The following MRTFA variants were observed in gnomAD, a reference collection of about 807,000 sequenced individuals.
MRTFA encodes myocardin-related transcription factor A.
A neutral mutation model predicts 83.5 loss-of-function variants in MRTFA; 20 were observed. The ratio of observed to expected loss-of-function variants is 0.24; its 90% CI spans 0.17 to 0.35. The LOEUF (loss-of-function observed/expected upper bound fraction) is 0.35. Among genes scored for constraint, MRTFA ranks in the 10% least tolerant of loss-of-function variants. The pLI is 1.00. For synonymous variants in MRTFA, 659 were observed against 541.2 expected, an observed-to-expected ratio of 1.22 and a Z score of -3.02; for missense variants, 1,200 against 1,224.7, an observed-to-expected ratio of 0.98 and a Z score of 0.30.
intron 5 of MRTFA, among the ~76,000 whole-genome samples, chr22:40,435,226 C>T (rs535079064): frequency 3.9e-5 from 6 of 152,306 alleles, no homozygotes; most frequent in South Asian, 2.1e-4. Context: ...CAAGGAGGAT[C>T]GGGTGATCAT....
At position 40,418,533 on chromosome 22, in the gene MRTFA, G is replaced by A; in HGVS notation, c.2205C>T (p.Val735=). The change falls in exon 12 of 15, where the codon GTC becomes GTT. Residue 735 remains valine, a synonymous_variant. Transcript: ENST00000355630. Reference sequence around the variant, plus strand: ...GCCCCAGAAGCAACTGGGGGGCGGGGACCGGCTCGGGCTCAGGCTGCAAGG... The same window carrying A: ...GCCCCAGAAGCAACTGGGGGGCGGGAACCGGCTCGGGCTCAGGCTGCAAGG... 1 of 1,587,134 alleles carries A rather than the reference G, an allele frequency of 6.3e-7. No individual in the cohort carries two copies. The highest frequency in any genetic ancestry group is 8.5e-7 in the Non-Finnish European group (1 of 1,170,524).
chr22:40,507,526 G>A (rs1036756987), intron 3 of MRTFA, among the ~76,000 whole-genome samples: 3 of 151,802 alleles, frequency 2.0e-5, no homozygotes, highest in Non-Finnish European at 4.4e-5. Flanking sequence ...AGAGGCTGAG[G>A]TGGGGGGATC....
Position 40,545,431 on chromosome 22 carries a change from T to TC in MRTFA, c.241+6674dup, listed in dbSNP as rs1306594769. 8.4e-4 allele frequency among the ~76,000 whole-genome samples: 127 copies of TC among 151,206 alleles called. 1 individual carries two copies. In the Middle Eastern group the frequency reaches 0.021, roughly 24 times the overall value. On this transcript the variant is annotated intron_variant, in intron 3 of 14. Coordinates refer to ENST00000355630, the MANE Select transcript of MRTFA (RefSeq NM_020831.6). ...AGGTACCTCTGCTAACCCACTGAAT[T>TC]CCTTTTTTTTTTTTTTGAGATGAAG... is the stretch of plus-strand genomic sequence containing the variant.
rs773510860 is a variant in MRTFA at position 40,417,510 on chromosome 22, G to A, written c.2365-17C>T. 9.2e-6 allele frequency: 13 copies of A among 1,409,478 alleles called. No homozygotes were observed. The highest frequency in any genetic ancestry group is 1.2e-5 in the Non-Finnish European group (13 of 1,057,778). 87.3% of individuals were successfully genotyped at this position (1,409,478 alleles called of 1,614,324 possible). ...GGACGAGGGCTGGACAGGAGAGCAG[G>A]GAGAGGACCAGTGGCCAGGGGGCTG... On this transcript the variant is annotated splice_polypyrimidine_tract_variant and intron_variant, in intron 12 of 14. Transcript: ENST00000355630.
At chr22:40,543,108 A>G (rs985372676) in intron 3 of MRTFA, among the ~76,000 whole-genome samples, 1 of 152,200 alleles carries the variant, frequency 6.6e-6, no homozygotes, top group Non-Finnish European at 1.5e-5. Flanking sequence ...AGAATCATTT[A>G]ATCAATTGAC....
chr22:40,540,470 C>T (rs1156915571), intron 3 of MRTFA, among the ~76,000 whole-genome samples: 4 of 152,116 alleles, frequency 2.6e-5, no homozygotes. Context: ...CTGTGCCTGC[C>T]TCCATTATTG....
At chr22:40,490,229 C>A (rs1345230395) in intron 3 of MRTFA, among the ~76,000 whole-genome samples, 1 of 152,132 alleles carries the variant, frequency 6.6e-6, no homozygotes, top group Non-Finnish European at 1.5e-5. Context: ...TTTAATGTTG[C>A]CATGGTGTTT....
chr22:40,548,388 C>G (rs1391719815), intron 3 of MRTFA, among the ~76,000 whole-genome samples: 1 of 129,716 alleles, frequency 7.7e-6, no homozygotes, highest in Non-Finnish European at 1.6e-5. Context: ...AAATTGGGAA[C>G]TGGGAAAACC....
intron 3 of MRTFA, chr22:40,519,365 C>A: frequency 8.0e-7 from 1 of 1,248,160 alleles, no homozygotes; most frequent in South Asian, 1.3e-5. Context: ...TCTTCTCAAA[C>A]CTTGGAGGGT....
At chr22:40,574,905 T>C (rs1888815715) in intron 2 of MRTFA, among the ~76,000 whole-genome samples, 1 of 152,174 alleles carries the variant, frequency 6.6e-6, no homozygotes, top group Non-Finnish European at 1.5e-5. Context: ...CGACTACAGT[T>C]GTGAACTTGT....
At chr22:40,469,953 G>A (rs1331482399) in intron 3 of MRTFA, among the ~76,000 whole-genome samples, 3 of 151,826 alleles carry the variant, frequency 2.0e-5, no homozygotes, top group Non-Finnish European at 4.4e-5. Context: ...GCTGGGCACA[G>A]TGGCTCACGC....
intron 4 of MRTFA, among the ~76,000 whole-genome samples, chr22:40,440,319 T>C (rs2053251653): frequency 6.6e-6 from 1 of 152,190 alleles, no homozygotes; most frequent in Non-Finnish European, 1.5e-5. Flanking sequence ...TGAGATGCAG[T>C]AACCTGCCAG....
chr22:40,589,489 A>G (rs571490390), intron 2 of MRTFA, among the ~76,000 whole-genome samples: 1 of 152,174 alleles, frequency 6.6e-6, no homozygotes, highest in Non-Finnish European at 1.5e-5. Flanking sequence ...ATAACTCCAG[A>G]CCCCTCAGTA....
Position 40,449,254 on chromosome 22 carries a change from G to A in MRTFA, c.308-13700C>T, listed in dbSNP as rs191256533. 6.3e-5 allele frequency among the ~76,000 whole-genome samples: 9 copies of A among 142,832 alleles called. 1 individual carries two copies. The highest frequency in any genetic ancestry group is 1.1e-4 in the Non-Finnish European group (7 of 66,434). The allele number at this position is 142,832 out of a possible 152,430, so 93.7% of individuals were successfully genotyped here. A position where few individuals can be genotyped will look rare whatever the true frequency, so the allele number is the denominator to read the frequency against. Reference sequence around the variant, plus strand: ...TACACTCCAGCCTGGGTGACAGAACGAGACTCGGTCTCCAAACGAGAAAAA... The same window carrying A: ...TACACTCCAGCCTGGGTGACAGAACAAGACTCGGTCTCCAAACGAGAAAAA... On this transcript the variant is annotated intron_variant, in intron 4 of 14. Transcript: ENST00000355630.
At chr22:40,486,879 G>A (rs954039762) in intron 3 of MRTFA, among the ~76,000 whole-genome samples, 3 of 152,174 alleles carry the variant, frequency 2.0e-5, no homozygotes, top group South Asian at 2.1e-4. Flanking sequence ...GGACTAAGGC[G>A]GGAGGATCAC....
intron 1 of MRTFA, among the ~76,000 whole-genome samples, chr22:40,628,538 C>A (rs748711688): frequency 3.9e-4 from 60 of 151,982 alleles, no homozygotes; most frequent in Middle Eastern, 3.4e-3. Context: ...AATGAACTAG[C>A]CAAATTACTC....
intron 2 of MRTFA, among the ~76,000 whole-genome samples, chr22:40,557,915 A>G (rs2055552004): frequency 1.3e-5 from 2 of 152,134 alleles, no homozygotes; most frequent in African/African-American, 2.4e-5. Flanking sequence ...CTGGGAATAT[A>G]GGCATGCGCC....
chr22:40,601,726 A>G (rs531470109), intron 1 of MRTFA, among the ~76,000 whole-genome samples: 1 of 152,306 alleles, frequency 6.6e-6, no homozygotes, highest in African/African-American at 2.4e-5. Context: ...GTATGGTTAC[A>G]CTGAGCCATG....
chr22:40,553,390 G>A (rs1011034574), intron 2 of MRTFA, among the ~76,000 whole-genome samples: 2 of 152,138 alleles, frequency 1.3e-5, no homozygotes, highest in Non-Finnish European at 2.9e-5. Context: ...ATGGTTTCAT[G>A]GGCCCAGGGC....
Sources: gnomAD v4.1 joint callset for allele counts (sites outside exome capture counted in the v4.1 genomes callset) on GRCh38, gnomAD v4.1.1 for gene constraint, MANE v1.5 for transcripts, NCBI Gene and HGNC (gene_info 2026-07-23, HGNC 2026-07-21) for gene names.